KLF13: variants seen among roughly 807,000 people sequenced by gnomAD.
The protein encoded by KLF13 is Krueppel-like factor 13.
Under a neutral mutation model 16.7 loss-of-function variants are expected in KLF13, and 8 were observed. That is an observed-to-expected ratio of 0.48 (90% CI 0.28 to 0.87). The LOEUF (loss-of-function observed/expected upper bound fraction) is 0.87, where lower values mean the gene tolerates loss of function less well. Ranked by LOEUF, KLF13 falls within the 40% of genes least tolerant of loss-of-function variation. KLF13 has a pLI of 0.10. For synonymous variants in KLF13, 245 were observed against 208.4 expected, an observed-to-expected ratio of 1.18 and a Z score of -1.51; for missense variants, 447 against 452.2, an observed-to-expected ratio of 0.99 and a Z score of 0.10.
chr15:31,362,482 T>C (rs2039405086), intron 1 of KLF13, among the ~76,000 whole-genome samples: 2 of 152,208 alleles, frequency 1.3e-5, no homozygotes, highest in African/African-American at 4.8e-5. Context: ...CTTGGGGTAA[T>C]ATGAGGAACT....
intron 1 of KLF13, among the ~76,000 whole-genome samples, chr15:31,417,610 C>T (rs577333770): frequency 2.0e-5 from 3 of 151,794 alleles, no homozygotes; most frequent in East Asian, 3.9e-4. Context: ...GGTGCGATCT[C>T]GGCTCACTGC....
At chr15:31,343,180 G>A (rs978858049) in intron 1 of KLF13, among the ~76,000 whole-genome samples, 5 of 152,234 alleles carry the variant, frequency 3.3e-5, no homozygotes, top group Non-Finnish European at 7.3e-5. Flanking sequence ...GTAGAGTGGC[G>A]CCTGAGCTGG....
chr15:31,372,226 G>A lies in KLF13; in HGVS notation c.794G>A (p.Arg265Gln), dbSNP rs778732073. The A allele has an allele frequency of 3.5e-5, 56 of 1,593,194 alleles. No homozygotes were observed. The highest frequency in any genetic ancestry group is 4.4e-5 in the Non-Finnish European group (52 of 1,174,100). Residue 265 changes from arginine (R) to glutamine (Q), a missense_variant, in exon 2 of 2, where the codon CGG becomes CAG. This residue lies in a region of KLF13 where 88 missense variants were observed against 169.5 expected (regional missense o/e 0.52). Coordinates refer to ENST00000307145, the MANE Select transcript of KLF13 (RefSeq NM_015995.4). ...CTGCAGCGGCGCGGCGGGGGCTCGC[G>A]GACCGGCTCCCTCAGCGACTACAGC... ...GMLQRRGGGSRTGSLSDYSRS... is the reference protein window; with the variant it reads ...GMLQRRGGGSQTGSLSDYSRS...
At chr15:31,392,343 G>A (rs1267377658), upstream of KLF13, among the ~76,000 whole-genome samples, 1 of 152,256 alleles carries the variant, frequency 6.6e-6, no homozygotes, top group African/African-American at 2.4e-5. Flanking sequence ...GACTGGGGTA[G>A]ACGCCACCTC....
At chr15:31,423,081 A>ATATATATACGTATACGTATACG (rs2040348156) in intron 1 of KLF13, among the ~76,000 whole-genome samples, 2 of 38,410 alleles carry the variant, frequency 5.2e-5, no homozygotes, top group African/African-American at 7.3e-5. Flanking sequence ...TAACAATTAC[A>ATATATATACGTATACGTATACG]TATATATACG....
At chr15:31,339,037 C>T (rs984060414) in intron 1 of KLF13, among the ~76,000 whole-genome samples, 3 of 152,058 alleles carry the variant, frequency 2.0e-5, no homozygotes, top group Admixed American at 6.5e-5. Flanking sequence ...TTCCTTCTTC[C>T]GCCCTCTGGG....
intron 1 of KLF13, among the ~76,000 whole-genome samples, chr15:31,336,035 AGT>A (rs1271877630): frequency 1.3e-5 from 2 of 152,178 alleles, no homozygotes; most frequent in Non-Finnish European, 2.9e-5. Context: ...GAAGCTTGGG[AGT>A]GGGGAGAGGA....
At chr15:31,413,187 CAA>C (rs1161762538) in intron 1 of KLF13, among the ~76,000 whole-genome samples, 15 of 63,348 alleles carry the variant, frequency 2.4e-4, no homozygotes, top group African/African-American at 5.8e-4. Flanking sequence ...AATGAATAGA[CAA>C]AAAAAAAAAA....
At chr15:31,421,198 A>G (rs1248723052) in intron 1 of KLF13, among the ~76,000 whole-genome samples, 1 of 152,186 alleles carries the variant, frequency 6.6e-6, no homozygotes, top group Non-Finnish European at 1.5e-5. Flanking sequence ...TGAAATAAAG[A>G]CCTTCCCAGA....
intron 1 of KLF13, among the ~76,000 whole-genome samples, chr15:31,416,294 CATT>C (rs2040257243): frequency 6.6e-6 from 1 of 152,038 alleles, no homozygotes; most frequent in Admixed American, 6.5e-5. Context: ...CTCTCCAACT[CATT>C]ATGAAGCCAT....
chr15:31,407,629 G>A (rs1010253344), downstream of KLF13, among the ~76,000 whole-genome samples: 22 of 152,084 alleles, frequency 1.4e-4, no homozygotes, highest in African/African-American at 5.3e-4. Flanking sequence ...CTCTGGTCAC[G>A]AGAAAGTAAA....
At chr15:31,332,921 G>A (rs1349011011) in intron 1 of KLF13, among the ~76,000 whole-genome samples, 4 of 152,182 alleles carry the variant, frequency 2.6e-5, no homozygotes, top group Non-Finnish European at 5.9e-5. Context: ...ATGTTTCTCC[G>A]CAGCAATCCC....
At chr15:31,370,894 C>G (rs2039546337) in intron 1 of KLF13, among the ~76,000 whole-genome samples, 1 of 152,128 alleles carries the variant, frequency 6.6e-6, no homozygotes, top group Admixed American at 6.5e-5. Flanking sequence ...CTTTCTTTTC[C>G]ATGCTGCTGG....
intron 1 of KLF13, among the ~76,000 whole-genome samples, chr15:31,349,691 C>G (rs900158617): frequency 6.6e-6 from 1 of 152,134 alleles, no homozygotes; most frequent in African/African-American, 2.4e-5. Context: ...CCATGTGAGG[C>G]GAGTATGGGC....
At chr15:31,432,622 AT>A (rs937690693) in intron 1 of KLF13, among the ~76,000 whole-genome samples, 6 of 150,560 alleles carry the variant, frequency 4.0e-5, no homozygotes, top group African/African-American at 1.5e-4. Flanking sequence ...CTAACTTTTA[AT>A]TTTTTTTGTA....
intron 1 of KLF13, among the ~76,000 whole-genome samples, chr15:31,371,301 C>A (rs763869994): frequency 1.3e-4 from 20 of 152,196 alleles, no homozygotes; most frequent in Non-Finnish European, 2.6e-4. Flanking sequence ...TCTGCCTCCT[C>A]CCTACCGGCA....
At chr15:31,417,942 C>A (rs1392685776) in intron 1 of KLF13, among the ~76,000 whole-genome samples, 1 of 152,130 alleles carries the variant, frequency 6.6e-6, no homozygotes, top group African/African-American at 2.4e-5. Context: ...AAAAACCTAA[C>A]AAACTTTACC....
At position 31,326,995 on chromosome 15, in the gene KLF13, A is replaced by G. The variant is rs1428468872; in HGVS notation, c.-218A>G. The G allele has an allele frequency of 1.0e-5, 2 of 199,012 alleles. No homozygotes were observed. Among genetic ancestry groups the G allele is most frequent in the Non-Finnish European group, 1.9e-5 (2 of 107,754 alleles). 12.3% of individuals were successfully genotyped at this position (199,012 alleles called of 1,614,324 possible). ...GGGACCCCAGTCGCCCGCGCGCCCC[A>G]TGCGCTCACTCTTCGGTGCCCGGCC... On this transcript the variant is annotated 5_prime_UTR_variant, in exon 1 of 2. It removes an upstream start codon present in the reference 5' UTR. Transcript: ENST00000307145.
Position 31,340,488 on chromosome 15 carries a change from G to T in KLF13, c.577+12699G>T, listed in dbSNP as rs74349263. On this transcript the variant is annotated intron_variant, in intron 1 of 1. Coordinates refer to ENST00000307145, the MANE Select transcript of KLF13 (RefSeq NM_015995.4). ...CACCTGGGTGCTCAGTTCCTTTCTTGTCATCCTTTCTCTGTTTGTAAAGCA... is the reference window on the plus strand; with the variant it reads ...CACCTGGGTGCTCAGTTCCTTTCTTTTCATCCTTTCTCTGTTTGTAAAGCA... Among the ~76,000 whole-genome samples the T allele has an allele frequency of 5.4e-3, 825 of 152,298 alleles. 6 individuals carry two copies. Among genetic ancestry groups the T allele is most frequent in the South Asian group, 0.022 (108 of 4,830 alleles).
Sources: allele counts gnomAD v4.1 joint callset (sites outside exome capture counted in the v4.1 genomes callset), GRCh38; gene constraint gnomAD v4.1.1; regional missense constraint gnomAD v4.1.1; transcripts MANE v1.5; gene names NCBI Gene and HGNC (gene_info 2026-07-23, HGNC 2026-07-21).